Variants in ADCY2 observed in about 807,000 individuals in gnomAD.
The protein encoded by ADCY2 is adenylate cyclase 2, also known as adenylate cyclase type 2.
A neutral mutation model predicts 125.2 loss-of-function variants in ADCY2; 31 were observed. The observed-to-expected ratio is 0.25, with a 90% CI of 0.19 to 0.33. The LOEUF is 0.33. ADCY2 is among the 10% of genes least tolerant of loss of function. The pLI is 1.00. For missense variants in ADCY2, 904 were observed against 1,418.2 expected (o/e 0.64, Z 5.82); for synonymous variants, 512 against 548.4 (o/e 0.93, Z 0.93).
At chr5:7,552,945 G>T (rs1735384592) in intron 3 of ADCY2, among the ~76,000 whole-genome samples, 1 of 152,136 alleles carries the variant, frequency 6.6e-6, no homozygotes, top group South Asian at 2.1e-4. Flanking sequence ...CTGCTGTTGT[G>T]CTGGCCAAGC....
At chr5:7,471,063 TG>T (rs1271930042) in intron 2 of ADCY2, among the ~76,000 whole-genome samples, 1 of 151,898 alleles carries the variant, frequency 6.6e-6, no homozygotes, top group African/African-American at 2.4e-5. Flanking sequence ...ATACTTTGTC[TG>T]ACAAAATATA....
chr5:7,557,227 A>T (rs746286864), intron 3 of ADCY2, among the ~76,000 whole-genome samples: 5 of 144,556 alleles, frequency 3.5e-5, no homozygotes, highest in Non-Finnish European at 7.9e-5. Context: ...TCTAAATGAC[A>T]AGTAAACAGG....
intron 3 of ADCY2, among the ~76,000 whole-genome samples, chr5:7,533,812 C>G (rs1015820434): frequency 6.6e-6 from 1 of 152,130 alleles, no homozygotes; most frequent in Non-Finnish European, 1.5e-5. Flanking sequence ...TTCTTTTTGT[C>G]AATGTGTTCT....
chr5:7,689,352 G>A (rs1740630135), intron 4 of ADCY2, among the ~76,000 whole-genome samples: 1 of 152,114 alleles, frequency 6.6e-6, no homozygotes, highest in Non-Finnish European at 1.5e-5. Flanking sequence ...AAAGGGCATG[G>A]CATTTATTGC....
chr5:7,629,322 T>C (rs1013765183), intron 4 of ADCY2, among the ~76,000 whole-genome samples: 6 of 152,040 alleles, frequency 3.9e-5, no homozygotes, highest in African/African-American at 1.5e-4. Context: ...CACCCAGGAT[T>C]GGAGGGGGGG....
At chr5:7,729,678 C>T (rs780848078) in intron 14 of ADCY2, among the ~76,000 whole-genome samples, 101 of 149,996 alleles carry the variant, frequency 6.7e-4, no homozygotes, top group Non-Finnish European at 8.9e-4. Context: ...GGCAGAGCAG[C>T]CTGTTTATTC....
intron 2 of ADCY2, among the ~76,000 whole-genome samples, chr5:7,439,079 A>G (rs529344111): frequency 1.3e-5 from 2 of 152,360 alleles, no homozygotes; most frequent in East Asian, 3.9e-4. Context: ...CACAGAGGGA[A>G]AGCAGAATTA....
chr5:7,479,076 G>A (rs976880907), intron 2 of ADCY2, among the ~76,000 whole-genome samples: 2 of 152,088 alleles, frequency 1.3e-5, no homozygotes, highest in African/African-American at 2.4e-5. Flanking sequence ...GATTTGCGAT[G>A]TATTATTGGT....
chr5:7,819,733 G>A (rs965007487), intron 23 of ADCY2, among the ~76,000 whole-genome samples: 4 of 152,190 alleles, frequency 2.6e-5, no homozygotes, highest in Non-Finnish European at 1.5e-5. Flanking sequence ...TTCAGGGATA[G>A]CAAAGTGGAA....
At chr5:7,570,155 A>G (rs1736025431) in intron 3 of ADCY2, among the ~76,000 whole-genome samples, 1 of 151,990 alleles carries the variant, frequency 6.6e-6, no homozygotes, top group African/African-American at 2.4e-5. Context: ...TCAGATCATA[A>G]TTGGGATTTG....
At chr5:7,625,805 T>C (rs72710470) in intron 3 of ADCY2, among the ~76,000 whole-genome samples, 9,464 of 152,248 alleles carry the variant, frequency 0.062, 431 homozygotes, top group South Asian at 0.17. Context: ...CTTTTCCTAA[T>C]GAGGTGCAAG....
intron 4 of ADCY2, chr5:7,685,340 G>A (rs1208173779): frequency 1.3e-5 from 2 of 152,254 alleles, no homozygotes; most frequent in Non-Finnish European, 2.9e-5. Flanking sequence ...CATGGACATG[G>A]AGGCCTTCAA....
At chr5:7,762,075 A>G (rs920204268) in intron 16 of ADCY2, among the ~76,000 whole-genome samples, 2 of 152,224 alleles carry the variant, frequency 1.3e-5, no homozygotes, top group African/African-American at 4.8e-5. Flanking sequence ...GGAGCAGGAA[A>G]TAAGCTAAAT....
intron 2 of ADCY2, among the ~76,000 whole-genome samples, chr5:7,462,222 G>A (rs940734931): frequency 1.3e-5 from 2 of 152,150 alleles, no homozygotes; most frequent in African/African-American, 2.4e-5. Context: ...CTCTTAGTGC[G>A]TCTAACCTTA....
chr5:7,410,917 T>C (rs1405928019), intron 1 of ADCY2, among the ~76,000 whole-genome samples: 1 of 152,098 alleles, frequency 6.6e-6, no homozygotes, highest in Non-Finnish European at 1.5e-5. Flanking sequence ...CTTCCTTCCT[T>C]TCTCCATCTG....
At chr5:7,488,759 ATT>A (rs1743040010) in intron 2 of ADCY2, among the ~76,000 whole-genome samples, 1 of 152,116 alleles carries the variant, frequency 6.6e-6, no homozygotes, top group South Asian at 2.1e-4. Flanking sequence ...TGTCCTGAGC[ATT>A]CTCGCCCCTA....
chr5:7,502,222 C>T (rs909037188), intron 2 of ADCY2, among the ~76,000 whole-genome samples: 4 of 152,210 alleles, frequency 2.6e-5, no homozygotes, highest in African/African-American at 9.7e-5. Flanking sequence ...GGACTCTGCC[C>T]TCCCTCTGCC....
chr5:7,409,690 T>C (rs1430133630), intron 1 of ADCY2, among the ~76,000 whole-genome samples: 1 of 152,248 alleles, frequency 6.6e-6, no homozygotes, highest in Non-Finnish European at 1.5e-5. Context: ...TTACTAATTA[T>C]GATGTTCAAA....
rs75162508 is a variant in ADCY2 at position 7,589,919 on chromosome 5, C to T, written c.571-36248C>T. Among the ~76,000 whole-genome samples the T allele has an allele frequency of 2.0e-3, 309 of 152,292 alleles. 1 individual carries two copies. The highest frequency in any genetic ancestry group is 6.8e-3 in the Middle Eastern group (2 of 294). ...TGGGTTATGCAATGTTAAATGGGTC[C>T]TTTCACAGCTGATTCCAAAAGGCCT... On this transcript the variant is annotated intron_variant, in intron 3 of 24. Transcript: ENST00000338316.
Sources: allele counts gnomAD v4.1 joint callset (sites outside exome capture counted in the v4.1 genomes callset), GRCh38; gene constraint gnomAD v4.1.1; transcripts MANE v1.5; gene names NCBI Gene and HGNC (gene_info 2026-07-23, HGNC 2026-07-21).